The following PECAM1 variants were observed in gnomAD, a reference collection of about 807,000 sequenced individuals.
PECAM1 encodes platelet endothelial cell adhesion molecule.
PECAM1 carries 8 observed loss-of-function variants against 13.8 expected under a neutral mutation model. The ratio of observed to expected loss-of-function variants is 0.58; its 90% CI spans 0.34 to 1.05. PECAM1 has a LOEUF of 1.05. Ranked by LOEUF, PECAM1 falls within the 50% of genes least tolerant of loss-of-function variation. The probability of loss-of-function intolerance (pLI) is 0.03; values close to 1 mark genes in which losing one functional copy is unlikely to be tolerated. For synonymous variants in PECAM1, 136 were observed against 52.6 expected, an observed-to-expected ratio of 2.58 and a Z score of -6.86; for missense variants, 304 against 141.2, an observed-to-expected ratio of 2.15 and a Z score of -5.84.
At chr17:64,347,615 TAA>T (rs1245400426) in intron 13 of PECAM1, among the ~76,000 whole-genome samples, 2 of 142,448 alleles carry the variant, frequency 1.4e-5, no homozygotes, top group African/African-American at 2.5e-5. Context: ...ATAAAATATA[TAA>T]AAATAAAAAA....
At chr17:64,359,722 A>G (rs2035928913) in intron 7 of PECAM1, among the ~76,000 whole-genome samples, 2 of 150,290 alleles carry the variant, frequency 1.3e-5, no homozygotes, top group Admixed American at 6.7e-5. Flanking sequence ...CATATCTAGT[A>G]TATGGACTTT....
Position 64,353,535 on chromosome 17 carries a change from G to A in PECAM1, c.1889-17C>T, listed in dbSNP as rs1337049901. 30 of 467,934 alleles carry A rather than the reference G, an allele frequency of 6.4e-5. No individual in the cohort carries two copies. The highest frequency in any genetic ancestry group is 1.0e-4 in the Non-Finnish European group (26 of 255,842). 29.0% of individuals were successfully genotyped at this position (467,934 alleles called of 1,614,324 possible). A position where few individuals can be genotyped will look rare whatever the true frequency, so the allele number is the denominator to read the frequency against. On this transcript the variant is annotated splice_polypyrimidine_tract_variant and intron_variant, in intron 9 of 15. Coordinates refer to ENST00000563924, the MANE Select transcript of PECAM1 (RefSeq NM_000442.5). ...TCTGCTTGGCTTTAAAACAGAAAAC[G>A]AAAAACCAAAGTCAGTATACAGTAC...
intron 2 of PECAM1, among the ~76,000 whole-genome samples, chr17:64,383,688 A>G (rs1009852088): frequency 1.3e-5 from 2 of 152,192 alleles, no homozygotes; most frequent in Non-Finnish European, 1.5e-5. Flanking sequence ...TGATTTTTAT[A>G]AAAGCCCTCC....
chr17:64,372,069 T>C (rs2036255253), intron 4 of PECAM1, among the ~76,000 whole-genome samples: 1 of 152,102 alleles, frequency 6.6e-6, no homozygotes, highest in Non-Finnish European at 1.5e-5. Context: ...CAATGATATA[T>C]ATCACTATAC....
chr17:64,350,963 ACCT>A (rs1222479201), intron 11 of PECAM1, among the ~76,000 whole-genome samples: 111 of 151,638 alleles, frequency 7.3e-4, no homozygotes, highest in African/African-American at 2.6e-3. Context: ...TGCAACCTCC[ACCT>A]CCCAGGTTCA....
intron 7 of PECAM1, among the ~76,000 whole-genome samples, chr17:64,359,891 T>A (rs2035933958): frequency 6.6e-6 from 1 of 152,122 alleles, no homozygotes; most frequent in Non-Finnish European, 1.5e-5. Context: ...TGGCTGGGAT[T>A]ATAGGCGCAC....
intron 4 of PECAM1, among the ~76,000 whole-genome samples, chr17:64,371,706 T>G (rs1158960187): frequency 6.6e-6 from 1 of 152,068 alleles, no homozygotes; most frequent in Non-Finnish European, 1.5e-5. Flanking sequence ...GGCAGCCCCC[T>G]GTAATGCCAG....
chr17:64,342,213 T>C (rs961550895), intron 13 of PECAM1, among the ~76,000 whole-genome samples: 16 of 150,008 alleles, frequency 1.1e-4, no homozygotes, highest in African/African-American at 3.2e-4. Context: ...AGTCTGGGAA[T>C]AGGAGGTCAG....
In PECAM1 at chr17:64,322,068, C is replaced by T. The variant is rs1303504128; in HGVS notation, c.*1748G>A. On this transcript the variant is annotated 3_prime_UTR_variant, in exon 16 of 16. Transcript: ENST00000563924. ...GGGGAAAGGAACCAACAGCTTTCAT[C>T]ATATTGTCAAAAGAGTCTAGGCTGG... 1.6e-4 allele frequency: 182 copies of T among 1,146,142 alleles called. No individual in the cohort carries two copies. Among genetic ancestry groups the T allele is most frequent in the Non-Finnish European group, 1.9e-4 (174 of 912,164 alleles). The allele number at this position is 1,146,142 out of a possible 1,614,324, so 71.0% of individuals were successfully genotyped here.
chr17:64,323,674 C>A lies in PECAM1; in HGVS notation c.*142G>T. The A allele has an allele frequency of 6.6e-7, 1 of 1,513,908 alleles. No homozygotes were observed. Among genetic ancestry groups the A allele is most frequent in the South Asian group, 1.3e-5 (1 of 79,372 alleles). The allele number at this position is 1,513,908 out of a possible 1,614,324, so 93.8% of individuals were successfully genotyped here. On this transcript the variant is annotated 3_prime_UTR_variant, in exon 16 of 16. Transcript: ENST00000563924. ...TTAGCAGGATGGATTTAAGAACCGG[C>A]AGCTTAGCCTGAGGAATTGCTGTGT...
chr17:64,360,180 A>G lies in PECAM1; in HGVS notation c.1452T>C (p.His484=), dbSNP rs1131010. 0.95 allele frequency: 451,118 copies of G among 475,292 alleles called. 215,832 individuals are homozygous for G. Among genetic ancestry groups the G allele is most frequent in the East Asian group, 1 (32,042 of 32,044 alleles). The allele number at this position is 475,292 out of a possible 1,614,324, so 29.4% of individuals were successfully genotyped here. Residue 484 remains histidine (H), a synonymous_variant, in exon 7 of 16, where the codon CAT becomes CAC. Transcript: ENST00000563924. ...TCAGAACCTCACTTAACATTTTGGC[A>G]TGGGAATGGCAATTATCTGCAACAC... ...YQCVADNCHS[H]AKMLSEVLRV... is the part of the protein sequence containing the mutation.
chr17:64,371,078 T>C (rs1484043783), intron 4 of PECAM1, among the ~76,000 whole-genome samples: 3 of 152,178 alleles, frequency 2.0e-5, no homozygotes, highest in African/African-American at 2.4e-5. Context: ...TGAAGGGTGT[T>C]TTTCTTTCAC....
intron 13 of PECAM1, among the ~76,000 whole-genome samples, chr17:64,343,534 C>G (rs951214122): frequency 6.6e-6 from 1 of 152,158 alleles, no homozygotes; most frequent in Non-Finnish European, 1.5e-5. Context: ...ATGTCCCATT[C>G]CTAGGCTTGC....
At chr17:64,343,298 C>A (rs1245155959) in intron 13 of PECAM1, among the ~76,000 whole-genome samples, 4 of 152,048 alleles carry the variant, frequency 2.6e-5, no homozygotes, top group Non-Finnish European at 5.9e-5. Context: ...ACAGCCAGCA[C>A]TGCCCTTTCT....
chr17:64,353,857 T>G (rs2035787648), intron 9 of PECAM1, among the ~76,000 whole-genome samples: 1 of 152,072 alleles, frequency 6.6e-6, no homozygotes, highest in African/African-American at 2.4e-5. Context: ...GTGATTTTTG[T>G]TAGTGAAATA....
intron 13 of PECAM1, among the ~76,000 whole-genome samples, chr17:64,346,267 T>G (rs752370509): frequency 0.022 from 3,347 of 151,342 alleles, 64 homozygotes; most frequent in Non-Finnish European, 0.032. Context: ...CATGCAGGAG[T>G]GTGCAGTGAC....
chr17:64,387,689 G>T (rs959829465), intron 2 of PECAM1, among the ~76,000 whole-genome samples: 24 of 152,178 alleles, frequency 1.6e-4, no homozygotes, highest in Non-Finnish European at 2.8e-4. Flanking sequence ...TGGAGAGGCT[G>T]ATAAGCCTGC....
intron 2 of PECAM1, among the ~76,000 whole-genome samples, chr17:64,382,795 G>C (rs2036509772): frequency 6.6e-6 from 1 of 151,604 alleles, no homozygotes; most frequent in Non-Finnish European, 1.5e-5. Flanking sequence ...CCAGAACTTT[G>C]GGAGGCTGAG....
intron 3 of PECAM1, 89 bp downstream of exon 3, chr17:64,377,735 T>A (rs1431375270): frequency 4.3e-6 from 2 of 468,342 alleles, no homozygotes; most frequent in South Asian, 1.4e-4. Flanking sequence ...GAGAGTTAAG[T>A]CCAGTGTCAC....
Sources: gnomAD v4.1 joint callset for allele counts (sites outside exome capture counted in the v4.1 genomes callset) on GRCh38, gnomAD v4.1.1 for gene constraint, MANE v1.5 for transcripts, NCBI Gene and HGNC (gene_info 2026-07-23, HGNC 2026-07-21) for gene names.